CLDN10: variants seen among roughly 807,000 people sequenced by gnomAD.
CLDN10 encodes claudin 10, also known as claudin-10.
A neutral mutation model predicts 22.9 loss-of-function variants in CLDN10; 15 were observed. The observed-to-expected ratio is 0.65, with a 90% CI of 0.44 to 1.01. The LOEUF (loss-of-function observed/expected upper bound fraction) is 1.01, where lower values mean the gene tolerates loss of function less well. Among genes scored for constraint, CLDN10 ranks in the 50% least tolerant of loss-of-function variants. The pLI is 0.00. For missense variants in CLDN10, 247 were observed against 287.8 expected, an observed-to-expected ratio of 0.86 and a Z score of 1.03; for synonymous variants, 114 against 111.4, an observed-to-expected ratio of 1.02 and a Z score of -0.15.
chr13:95,513,275 T>G (rs1042180851), intron 1 of CLDN10, among the ~76,000 whole-genome samples: 1 of 152,178 alleles, frequency 6.6e-6, no homozygotes, highest in African/African-American at 2.4e-5. Context: ...TTATTTACTA[T>G]TTACATATCC....
Position 95,446,841 on chromosome 13 carries a change from C to CA in CLDN10, c.214+12805dup, listed in dbSNP as rs1046279148. Reference sequence around the variant, plus strand: ...TGGGCAACAGAGTGAGACTCTGTCTCAAAAAAAAAAAGAATTAATATAATT... The same window carrying CA: ...TGGGCAACAGAGTGAGACTCTGTCTCAAAAAAAAAAAAGAATTAATATAATT... On this transcript the variant is annotated intron_variant, in intron 1 of 4. Transcript: ENST00000376873. Among the ~76,000 whole-genome samples, 278 of 140,686 alleles carry CA rather than the reference C, an allele frequency of 2.0e-3. 6 individuals carry two copies. In the South Asian group the frequency reaches 0.032, roughly 16 times the overall value. The allele number at this position is 140,686 out of a possible 152,430, so 92.3% of individuals were successfully genotyped here. A position where few individuals can be genotyped will look rare whatever the true frequency, so the allele number is the denominator to read the frequency against.
At chr13:95,446,841 CA>C (rs1046279148) in intron 1 of CLDN10, among the ~76,000 whole-genome samples, 85 of 140,614 alleles carry the variant, frequency 6.0e-4, no homozygotes, top group African/African-American at 1.0e-3. Flanking sequence ...GACTCTGTCT[CA>C]AAAAAAAAAA....
intron 1 of CLDN10, among the ~76,000 whole-genome samples, chr13:95,492,482 C>A (rs1381109272): frequency 6.6e-6 from 1 of 152,124 alleles, no homozygotes; most frequent in Non-Finnish European, 1.5e-5. Flanking sequence ...CCAGCTCCCA[C>A]AGAAACCGAA....
At chr13:95,536,103 G>C (rs182703768) in intron 1 of CLDN10, among the ~76,000 whole-genome samples, 1 of 151,520 alleles carries the variant, frequency 6.6e-6, no homozygotes, top group East Asian at 1.9e-4. Flanking sequence ...GAGATGGTCA[G>C]TTAAAGAAGA....
At chr13:95,532,162 A>G (rs944769523) in intron 1 of CLDN10, among the ~76,000 whole-genome samples, 2 of 152,238 alleles carry the variant, frequency 1.3e-5, no homozygotes, top group African/African-American at 2.4e-5. Flanking sequence ...AAATTTATAT[A>G]CATTAGACAT....
At chr13:95,469,614 A>G (rs2042611524) in intron 1 of CLDN10, among the ~76,000 whole-genome samples, 2 of 152,216 alleles carry the variant, frequency 1.3e-5, no homozygotes, top group African/African-American at 2.4e-5. Context: ...TAGCAGGGAT[A>G]GAACTGGAAA....
At chr13:95,532,837 T>TGCAACAACA (rs1566321556) in intron 1 of CLDN10, among the ~76,000 whole-genome samples, 2 of 144,880 alleles carry the variant, frequency 1.4e-5, no homozygotes, top group South Asian at 4.4e-4. Context: ...TGCTTATATG[T>TGCAACAACA]GCAACAACAT....
chr13:95,471,251 G>C (rs1418421955), intron 1 of CLDN10, among the ~76,000 whole-genome samples: 2 of 151,902 alleles, frequency 1.3e-5, no homozygotes, highest in African/African-American at 2.4e-5. Context: ...TGACTGTCTC[G>C]AGATGACTCA....
At chr13:95,455,868 T>C (rs555170615) in intron 1 of CLDN10, among the ~76,000 whole-genome samples, 1 of 152,336 alleles carries the variant, frequency 6.6e-6, no homozygotes, top group African/African-American at 2.4e-5. Context: ...ATGTTTTGGA[T>C]GAGGGAATTC....
At chr13:95,505,539 A>C (rs183345163) in intron 1 of CLDN10, among the ~76,000 whole-genome samples, 1 of 152,112 alleles carries the variant, frequency 6.6e-6, no homozygotes, top group Non-Finnish European at 1.5e-5. Context: ...GCCTTATCTG[A>C]AGGGTATTTT....
chr13:95,511,020 G>A (rs1409646170), intron 1 of CLDN10, among the ~76,000 whole-genome samples: 2 of 152,066 alleles, frequency 1.3e-5, no homozygotes, highest in African/African-American at 4.8e-5. Context: ...TAATATAAAA[G>A]TACTCTATGA....
chr13:95,551,258 G>A (rs1254958869), upstream of CLDN10, among the ~76,000 whole-genome samples: 1 of 152,156 alleles, frequency 6.6e-6, no homozygotes, highest in Non-Finnish European at 1.5e-5. Flanking sequence ...GGCTCAATAG[G>A]AAGAAAAGCT....
At chr13:95,461,806 A>G (rs1266363741) in intron 1 of CLDN10, among the ~76,000 whole-genome samples, 1 of 152,168 alleles carries the variant, frequency 6.6e-6, no homozygotes, top group African/African-American at 2.4e-5. Context: ...TTAATGAAAC[A>G]CTTGATCATG....
chr13:95,506,240 A>C (rs1353475369), intron 1 of CLDN10, among the ~76,000 whole-genome samples: 1 of 152,028 alleles, frequency 6.6e-6, no homozygotes, highest in Non-Finnish European at 1.5e-5. Context: ...AGCCCTGCCA[A>C]ACAGCTGAAA....
rs71824198 is a variant in CLDN10 at position 95,495,045 on chromosome 13, T to TAA, written c.214+60998_214+60999insAA. On this transcript the variant is annotated intron_variant, in intron 1 of 4. Transcript: ENST00000376873. ...ATAATTAATTAATTAATTAATTAAT[T>TAA]TTTTTTTTTAGATGGAGTCTCTCTC... Among the ~76,000 whole-genome samples, 324 of 134,194 alleles carry TAA rather than the reference T, an allele frequency of 2.4e-3. 2 individuals carry two copies. The highest frequency in any genetic ancestry group is 8.2e-3 in the African/African-American group (309 of 37,512). The allele number at this position is 134,194 out of a possible 152,430, so 88.0% of individuals were successfully genotyped here.
chr13:95,496,400 T>C (rs1035848045), intron 1 of CLDN10, among the ~76,000 whole-genome samples: 2 of 152,254 alleles, frequency 1.3e-5, no homozygotes, highest in African/African-American at 4.8e-5. Flanking sequence ...ATAGGCATCA[T>C]TGGTCCTTTA....
In CLDN10 at chr13:95,503,934, C is replaced by T. The variant is rs575132427; in HGVS notation, c.215-56198C>T. Among the ~76,000 whole-genome samples, 3 of 152,290 alleles carry T rather than the reference C, an allele frequency of 2.0e-5. No homozygotes were observed. In the East Asian group the frequency reaches 5.8e-4, roughly 29 times the overall value. ...GTTGCACAAATGTGAATATACTTAACACTACTGAACTGTACACTTCAAAAT... is the reference window on the plus strand; with the variant it reads ...GTTGCACAAATGTGAATATACTTAATACTACTGAACTGTACACTTCAAAAT... On this transcript the variant is annotated intron_variant, in intron 1 of 4. Coordinates refer to the CLDN10 transcript ENST00000376873.
chr13:95,560,639 A>G (rs1198778765), intron 3 of CLDN10, 176 bp downstream of exon 3: 4 of 602,596 alleles, frequency 6.6e-6, no homozygotes, highest in South Asian at 2.0e-5. Flanking sequence ...CAAAATATGC[A>G]TTTAATTAGT....
intron 1 of CLDN10, among the ~76,000 whole-genome samples, chr13:95,498,901 G>A (rs757122700): frequency 2.6e-5 from 4 of 151,978 alleles, no homozygotes; most frequent in East Asian, 1.9e-4. Flanking sequence ...TGCCACTGCC[G>A]GGCAACCACC....
Sources: gnomAD v4.1 joint callset for allele counts (sites outside exome capture counted in the v4.1 genomes callset) on GRCh38, gnomAD v4.1.1 for gene constraint, MANE v1.5 for transcripts, NCBI Gene and HGNC (gene_info 2026-07-23, HGNC 2026-07-21) for gene names.